The following NFIB variants were observed in gnomAD, a reference collection of about 807,000 sequenced individuals.
The protein encoded by NFIB is nuclear factor I B.
A neutral mutation model predicts 61.5 loss-of-function variants in NFIB; 11 were observed. The ratio of observed to expected loss-of-function variants is 0.18; its 90% CI spans 0.11 to 0.30. The LOEUF is 0.30. Ranked by LOEUF, NFIB falls within the 10% of genes least tolerant of loss-of-function variation. The pLI is 1.00. For synonymous variants in NFIB, 260 were observed against 216.5 expected, an observed-to-expected ratio of 1.20 and a Z score of -1.76; for missense variants, 471 against 608.9, an observed-to-expected ratio of 0.77 and a Z score of 2.38.
At chr9:14,347,726 G>T (rs932859305) in intron 1 of NFIB, among the ~76,000 whole-genome samples, 3 of 152,094 alleles carry the variant, frequency 2.0e-5, no homozygotes, top group African/African-American at 7.2e-5. Context: ...ATTTCCTTAG[G>T]AAACAGACAA....
At chr9:14,137,225 G>C (rs946212349) in intron 6 of NFIB, among the ~76,000 whole-genome samples, 1 of 152,144 alleles carries the variant, frequency 6.6e-6, no homozygotes, top group Non-Finnish European at 1.5e-5. Flanking sequence ...CCATAACAAG[G>C]TTCTGTTATA....
intron 10 of NFIB, among the ~76,000 whole-genome samples, chr9:14,100,275 C>G (rs371169360): frequency 1.4e-4 from 22 of 152,174 alleles, no homozygotes; most frequent in African/African-American, 5.1e-4. Context: ...CAATTTTTCA[C>G]CAGGAAGGGG....
At chr9:14,388,389 AAG>A (rs2061577486) in intron 1 of NFIB, among the ~76,000 whole-genome samples, 14 of 11,718 alleles carry the variant, frequency 1.2e-3, no homozygotes, top group East Asian at 2.6e-3. Context: ...GGAAGGAAGG[AAG>A]GAAGGAAGGA....
intron 1 of NFIB, among the ~76,000 whole-genome samples, chr9:14,340,582 C>T (rs147318365): frequency 2.7e-3 from 405 of 152,288 alleles, no homozygotes; most frequent in African/African-American, 9.3e-3. Flanking sequence ...GTTTCTTGTT[C>T]TATAGAAGGG....
At chr9:14,522,419 T>C in the NFIB span, among the ~76,000 whole-genome samples, 1 of 152,212 alleles carries the variant, frequency 6.6e-6, no homozygotes, top group Non-Finnish European at 1.5e-5. Flanking sequence ...AATTAACATC[T>C]TATTGGAAAA....
chr9:14,434,610 A>G, the NFIB span, among the ~76,000 whole-genome samples: 1 of 152,208 alleles, frequency 6.6e-6, no homozygotes, highest in Non-Finnish European at 1.5e-5. Flanking sequence ...CCCCGCCAGA[A>G]TAGCTATAGG....
intron 6 of NFIB, among the ~76,000 whole-genome samples, chr9:14,134,340 A>G (rs2040752058): frequency 6.6e-6 from 1 of 152,132 alleles, no homozygotes; most frequent in Non-Finnish European, 1.5e-5. Flanking sequence ...TACAGTAGGA[A>G]TGTATTTATT....
chr9:14,195,550 T>A (rs934028411), intron 2 of NFIB, among the ~76,000 whole-genome samples: 3 of 152,234 alleles, frequency 2.0e-5, no homozygotes, highest in African/African-American at 7.2e-5. Flanking sequence ...TGTTGCCACT[T>A]CATTCTTGTT....
chr9:14,361,487 G>A (rs985084460), intron 1 of NFIB: 2 of 152,162 alleles, frequency 1.3e-5, no homozygotes, highest in African/African-American at 4.8e-5. Flanking sequence ...ATATTTTCAT[G>A]AACAAGCAAG....
At position 14,306,015 on chromosome 9, in the gene NFIB, T is replaced by C. The variant is rs191062643; in HGVS notation, c.562+974A>G. On this transcript the variant is annotated intron_variant, in intron 2 of 10. Coordinates refer to ENST00000380953, the MANE Select transcript of NFIB (RefSeq NM_001190737.2). Reference sequence around the variant, plus strand: ...GCATTTATTTGAAGAAAAGAAATTCTTACCTACTTAAGGAAAATATATTAA... The same window carrying C: ...GCATTTATTTGAAGAAAAGAAATTCCTACCTACTTAAGGAAAATATATTAA... 18 of 1,176,084 alleles carry C rather than the reference T, an allele frequency of 1.5e-5. No individual in the cohort carries two copies. In the Admixed American group the frequency reaches 3.4e-4, roughly 22 times the overall value. The allele number at this position is 1,176,084 out of a possible 1,614,324, so 72.9% of individuals were successfully genotyped here.
In NFIB at chr9:14,116,256, C is replaced by T; in HGVS notation, c.1336G>A (p.Val446Met). ...TTAGTATCTGTCATGCTCAGGGTCA[C>T]AGGTCGCACTGCACTGGGATGGGGA... The part of the protein sequence containing the change: ...PSPHPSAVRP[V>M]TLSMTDTKPI... Residue 446 changes from valine (V) to methionine (M), a missense_variant, in exon 9 of 11, where the codon GTG (valine) becomes ATG (methionine). Val to Met is a conservative substitution (Grantham distance 21). Coordinates refer to ENST00000380953, the MANE Select transcript of NFIB (RefSeq NM_001190737.2). The T allele has an allele frequency of 3.2e-6, 5 of 1,539,108 alleles. No homozygotes were observed. The highest frequency in any genetic ancestry group is 1.2e-5 in the South Asian group (1 of 81,880).
chr9:14,143,682 T>C (rs1361608857), intron 6 of NFIB, among the ~76,000 whole-genome samples: 1 of 152,142 alleles, frequency 6.6e-6, no homozygotes, highest in Non-Finnish European at 1.5e-5. Flanking sequence ...ATATTATAAA[T>C]ACAAGACATG....
In NFIB at chr9:14,397,897, A is replaced by T. The variant is rs905835606; in HGVS notation, c.108+627T>A. Among the ~76,000 whole-genome samples, 3 of 152,156 alleles carry T rather than the reference A, an allele frequency of 2.0e-5. No homozygotes were observed. In the South Asian group the frequency reaches 6.2e-4, roughly 32 times the overall value. ...CAGAAAAGTGACACATACGGAGGAG[A>T]TGGCACCATACTGTCATTCTGGTTT... On this transcript the variant is annotated intron_variant, in intron 1 of 8. Transcript: ENST00000380934.
At chr9:14,130,120 A>G (rs1196683133) in intron 6 of NFIB, among the ~76,000 whole-genome samples, 1 of 152,132 alleles carries the variant, frequency 6.6e-6, no homozygotes, top group Non-Finnish European at 1.5e-5. Context: ...TGGCTGAACC[A>G]AAAATTTTCT....
intron 2 of NFIB, among the ~76,000 whole-genome samples, chr9:14,289,181 CAA>C (rs2058927904): frequency 7.2e-6 from 1 of 138,904 alleles, no homozygotes; most frequent in South Asian, 2.2e-4. Flanking sequence ...TAATATTTAC[CAA>C]AATATATAAT....
chr9:14,486,655 G>A, the NFIB span, among the ~76,000 whole-genome samples: 9 of 151,818 alleles, frequency 5.9e-5, no homozygotes, highest in African/African-American at 1.2e-4. Flanking sequence ...TGCCTTCCAT[G>A]TTCAAAACAA....
At chr9:14,495,692 T>C in the NFIB span, among the ~76,000 whole-genome samples, 1 of 152,136 alleles carries the variant, frequency 6.6e-6, no homozygotes, top group Non-Finnish European at 1.5e-5. Flanking sequence ...ACCCTAATTA[T>C]CTTTGTTAAA....
chr9:14,530,413 G>GGAGA, the NFIB span, among the ~76,000 whole-genome samples: 132 of 149,624 alleles, frequency 8.8e-4, 1 homozygote, highest in South Asian at 2.6e-3. Context: ...AAAGAGAGAG[G>GGAGA]GAGAGAGAGA....
chr9:14,449,696 G>A, the NFIB span, among the ~76,000 whole-genome samples: 2 of 152,118 alleles, frequency 1.3e-5, no homozygotes, highest in African/African-American at 4.8e-5. Context: ...TTGGGAGGCT[G>A]AGGCGGGTGG....
Sources: gnomAD v4.1 joint callset for allele counts (sites outside exome capture counted in the v4.1 genomes callset) on GRCh38, gnomAD v4.1.1 for gene constraint, MANE v1.5 for transcripts, NCBI Gene and HGNC (gene_info 2026-07-23, HGNC 2026-07-21) for gene names.